Variants in CDH19 observed in about 807,000 individuals in gnomAD.
CDH19 encodes the protein cadherin-19.
CDH19 carries 67 observed loss-of-function variants against 64.2 expected under a neutral mutation model. That is an observed-to-expected ratio of 1.04 (90% CI 0.86 to 1.28). The LOEUF is 1.28. Among genes scored for constraint, CDH19 ranks in the 50% most tolerant of loss-of-function variants. The pLI, the probability that CDH19 is intolerant of heterozygous loss-of-function variation, is 0.00. For missense variants in CDH19, 1,030 were observed against 929.0 expected, an observed-to-expected ratio of 1.11 and a Z score of -1.41; for synonymous variants, 346 against 319.3, an observed-to-expected ratio of 1.08 and a Z score of -0.89.
At position 66,507,463 on chromosome 18, in the gene CDH19, G is replaced by T. The variant is rs80293827; in HGVS notation, c.1828+1532C>A. Among the ~76,000 whole-genome samples, 550 of 151,688 alleles carry T rather than the reference G, an allele frequency of 3.6e-3. 9 individuals carry two copies. Among genetic ancestry groups the T allele is most frequent in the African/African-American group, 0.012 (509 of 41,444 alleles). On this transcript the variant is annotated intron_variant, in intron 11 of 11. Coordinates refer to ENST00000262150, the MANE Select transcript of CDH19 (RefSeq NM_021153.4). ...TTGGCTTTTGGTTTGAAGTTTTGAG[G>T]GAGGCAAGAGCAGAGTTTAGACTAT...
At chr18:66,588,746 C>A (rs1599039135) in intron 1 of CDH19, among the ~76,000 whole-genome samples, 1 of 151,332 alleles carries the variant, frequency 6.6e-6, no homozygotes, top group Non-Finnish European at 1.5e-5. Flanking sequence ...GGACTAAACT[C>A]TCCTTTATCT....
rs540366530 is a variant in CDH19 at position 66,581,979 on chromosome 18, CA to C, written c.-112-9664del. On this transcript the variant is annotated intron_variant, in intron 1 of 11. Coordinates refer to ENST00000262150, the MANE Select transcript of CDH19 (RefSeq NM_021153.4). ...AATTTTAAGTGACCTGTCCTGTAAA[CA>C]AATGTATTCATAACTACTGATCTTA... Among the ~76,000 whole-genome samples the C allele has an allele frequency of 3.3e-5, 5 of 152,116 alleles. No homozygotes were observed. The East Asian group carries it at 9.7e-4, about 29-fold the overall frequency.
At position 66,532,842 on chromosome 18, in the gene CDH19, G is replaced by A. The variant is rs748683198; in HGVS notation, c.1336+2144C>T. 2.6e-5 allele frequency: 10 copies of A among 388,758 alleles called. 1 individual carries two copies. The highest frequency in any genetic ancestry group is 7.5e-5 in the East Asian group (1 of 13,276). 24.1% of individuals were successfully genotyped at this position (388,758 alleles called of 1,614,324 possible). On this transcript the variant is annotated intron_variant, in intron 8 of 11. Transcript: ENST00000262150. Reference sequence around the variant, plus strand: ...ATAAAACCACTTAGCAAATACAGGCGGTCACTCCAACTACCCAGTGAATAT... The same window carrying A: ...ATAAAACCACTTAGCAAATACAGGCAGTCACTCCAACTACCCAGTGAATAT...
rs764552620 is a variant in CDH19 at position 66,509,230 on chromosome 18, A to T, written c.1593T>A (p.Ile531=). The T allele has an allele frequency of 6.2e-7, 1 of 1,612,354 alleles. No individual in the cohort carries two copies. Among genetic ancestry groups the T allele is most frequent in the South Asian group, 1.1e-5 (1 of 91,024 alleles). Reference sequence around the variant, plus strand: ...GGTTAAAACCAGTTCTATTAGTCAAAATGACAGCTGTGTTATCTAAAACAA... The same window carrying T: ...GGTTAAAACCAGTTCTATTAGTCAATATGACAGCTGTGTTATCTAAAACAA... ...IIDNQDNTAV[I]LTNRTGFNLQ... is the part of the protein sequence containing the mutation. The change falls in exon 11 of 12, where the codon ATT becomes ATA. Residue 531 remains isoleucine, a synonymous_variant. Transcript: ENST00000262150.
intron 4 of CDH19, among the ~76,000 whole-genome samples, chr18:66,552,144 A>G (rs1987367313): frequency 6.6e-6 from 1 of 151,966 alleles, no homozygotes; most frequent in African/African-American, 2.4e-5. Context: ...GATCATTAGT[A>G]CCCCAAACCT....
intron 3 of CDH19, among the ~76,000 whole-genome samples, chr18:66,560,191 A>T (rs1460789399): frequency 6.6e-6 from 1 of 152,120 alleles, no homozygotes; most frequent in Non-Finnish European, 1.5e-5. Flanking sequence ...CTAGGACAAA[A>T]CTACAGTAGT....
At chr18:66,538,318 C>A (rs778740156) in intron 7 of CDH19, among the ~76,000 whole-genome samples, 5 of 151,980 alleles carry the variant, frequency 3.3e-5, no homozygotes, top group Non-Finnish European at 5.9e-5. Context: ...TCTCCAAAGT[C>A]CTATTTGATT....
In CDH19 at chr18:66,535,189, C is replaced by T. The variant is rs1488976132; in HGVS notation, c.1215-82G>A. 3.1e-5 allele frequency: 24 copies of T among 781,570 alleles called. No homozygotes were observed. The East Asian group carries it at 3.6e-4, about 12-fold the overall frequency. 48.4% of individuals were successfully genotyped at this position (781,570 alleles called of 1,614,324 possible). A position where few individuals can be genotyped will look rare whatever the true frequency, so the allele number is the denominator to read the frequency against. On this transcript the variant is annotated intron_variant, in intron 7 of 11. Transcript: ENST00000262150. ...AGATAATACTCTTTAAGCAATAAGA[C>T]ATCTTATTCAATGCATGCTCTACAT... is the stretch of plus-strand genomic sequence containing the variant.
At chr18:66,544,954 CT>C (rs1432362465) in intron 5 of CDH19, 51 bp from the exon 6 acceptor site, 1 of 1,282,354 alleles carries the variant, frequency 7.8e-7, no homozygotes, top group South Asian at 1.6e-5. Context: ...ATATAGACAA[CT>C]TGCAATTATA....
intron 1 of CDH19, among the ~76,000 whole-genome samples, chr18:66,577,601 C>A (rs777248359): frequency 6.6e-6 from 1 of 151,848 alleles, no homozygotes; most frequent in African/African-American, 2.4e-5. Flanking sequence ...CTTGTAATTT[C>A]TTTGGCAAAG....
chr18:66,564,104 G>A (rs990864341), intron 3 of CDH19, among the ~76,000 whole-genome samples: 5 of 151,732 alleles, frequency 3.3e-5, no homozygotes, highest in Non-Finnish European at 7.4e-5. Context: ...AGTATTAACT[G>A]AAATTAAATT....
At chr18:66,511,740 ACTG>A in intron 9 of CDH19, 55 bp from the exon 10 acceptor site, 1 of 796,454 alleles carries the variant, frequency 1.3e-6, no homozygotes, top group South Asian at 1.5e-5. Flanking sequence ...GAAGAAGATC[ACTG>A]CTGCTATTAT....
chr18:66,594,002 C>A (rs1988814551), intron 1 of CDH19, among the ~76,000 whole-genome samples: 1 of 151,964 alleles, frequency 6.6e-6, no homozygotes, highest in Admixed American at 6.6e-5. Context: ...TTTTAAAGAC[C>A]CAACTGTGTG....
chr18:66,587,932 T>A (rs886778845), intron 1 of CDH19, among the ~76,000 whole-genome samples: 44 of 152,192 alleles, frequency 2.9e-4, no homozygotes, highest in African/African-American at 1.0e-3. Context: ...AATGGTACAG[T>A]AAATATTATA....
In CDH19 at chr18:66,590,179, T is replaced by C. The variant is rs191965597; in HGVS notation, c.-113+13775A>G. Among the ~76,000 whole-genome samples, 26 of 151,928 alleles carry C rather than the reference T, an allele frequency of 1.7e-4. No individual in the cohort carries two copies. In the South Asian group the frequency reaches 2.1e-3, roughly 12 times the overall value. ...CACAGCTACTGATTCATGAGCTGGGTATTTTTTTTAACAAGCCTCAAAGAT... is the reference window on the plus strand; with the variant it reads ...CACAGCTACTGATTCATGAGCTGGGCATTTTTTTTAACAAGCCTCAAAGAT... On this transcript the variant is annotated intron_variant, in intron 1 of 11. Transcript: ENST00000262150.
At chr18:66,603,804 T>C (rs1175941041) in intron 1 of CDH19, 150 bp downstream of exon 1, 2 of 152,162 alleles carry the variant, frequency 1.3e-5, no homozygotes, top group Non-Finnish European at 2.9e-5. Context: ...TTAAAATTTT[T>C]AGAATATTTT....
chr18:66,517,155 G>A (rs1353897022), intron 9 of CDH19, among the ~76,000 whole-genome samples: 1 of 151,986 alleles, frequency 6.6e-6, no homozygotes, highest in Non-Finnish European at 1.5e-5. Flanking sequence ...CTGTAGTCGA[G>A]AGGAAGAAGT....
At chr18:66,538,635 C>T (rs534280088) in intron 7 of CDH19, among the ~76,000 whole-genome samples, 2 of 152,176 alleles carry the variant, frequency 1.3e-5, no homozygotes, top group African/African-American at 2.4e-5. Flanking sequence ...ACTTTCTAGG[C>T]CTGCTGCAAC....
At chr18:66,539,316 C>G (rs1237443267) in intron 7 of CDH19, among the ~76,000 whole-genome samples, 2 of 152,024 alleles carry the variant, frequency 1.3e-5, no homozygotes, top group African/African-American at 2.4e-5. Flanking sequence ...TAGATTTGGA[C>G]TAGTGAAAGA....
Sources: allele counts gnomAD v4.1 joint callset (sites outside exome capture counted in the v4.1 genomes callset), GRCh38; gene constraint gnomAD v4.1.1; transcripts MANE v1.5; gene names NCBI Gene and HGNC (gene_info 2026-07-23, HGNC 2026-07-21).